ROCK2: variants seen among roughly 807,000 people sequenced by gnomAD.
ROCK2 encodes Rho associated coiled-coil containing protein kinase 2.
Under a neutral mutation model 195.1 loss-of-function variants are expected in ROCK2, and 61 were observed. The ratio of observed to expected loss-of-function variants is 0.31; its 90% confidence interval spans 0.25 to 0.39. The LOEUF (loss-of-function observed/expected upper bound fraction) is 0.39, where lower values mean the gene tolerates loss of function less well. ROCK2 is among the 10% of genes least tolerant of loss of function. The pLI is 1.00. For synonymous variants in ROCK2, 504 were observed against 545.5 expected, an observed-to-expected ratio of 0.92 and a Z score of 1.06; for missense variants, 1,109 against 1,637.4, an observed-to-expected ratio of 0.68 and a Z score of 5.57.
In ROCK2 at chr2:11,319,097, G is replaced by A. The variant is rs548301512; in HGVS notation, c.141+24899C>T. 2.2e-3 allele frequency among the ~76,000 whole-genome samples: 341 copies of A among 152,134 alleles called. 3 individuals carry two copies. Among genetic ancestry groups the A allele is most frequent in the African/African-American group, 8.0e-3 (332 of 41,484 alleles). ...GACTTGGCAATGTGGGCTCTTTTTT[G>A]GTTCCATATGAACTTTAAAGTAGTT... is the stretch of plus-strand genomic sequence containing the variant. On this transcript the variant is annotated intron_variant, in intron 1 of 32. Coordinates refer to ENST00000315872, the MANE Select transcript of ROCK2 (RefSeq NM_004850.5).
At chr2:11,194,802 A>G (rs1462998353) in intron 28 of ROCK2, among the ~76,000 whole-genome samples, 153 bp downstream of exon 28, 4 of 152,132 alleles carry the variant, frequency 2.6e-5, no homozygotes, top group Non-Finnish European at 4.4e-5. Flanking sequence ...TTACAAAGAT[A>G]AATAAAATCA....
intron 17 of ROCK2, among the ~76,000 whole-genome samples, chr2:11,212,192 T>C (rs749983320): frequency 1.3e-5 from 2 of 152,230 alleles, no homozygotes; most frequent in Non-Finnish European, 2.9e-5. Context: ...GCTGAGATTA[T>C]AGGTGTGGGC....
chr2:11,343,170 T>C (rs1276690984), intron 1 of ROCK2, among the ~76,000 whole-genome samples: 1 of 152,190 alleles, frequency 6.6e-6, no homozygotes, highest in Non-Finnish European at 1.5e-5. Flanking sequence ...CATAAATGCA[T>C]CTACACTGCA....
chr2:11,209,201 T>G (rs1664165771), intron 18 of ROCK2, among the ~76,000 whole-genome samples: 1 of 152,180 alleles, frequency 6.6e-6, no homozygotes, highest in South Asian at 2.1e-4. Flanking sequence ...AAATATGTTT[T>G]AGGGAGGTGG....
intron 6 of ROCK2, among the ~76,000 whole-genome samples, chr2:11,225,057 C>T (rs1163962554): frequency 2.6e-5 from 4 of 152,254 alleles, no homozygotes; most frequent in Middle Eastern, 3.4e-3. Context: ...AAGAGTTAAA[C>T]CAGCTCTATT....
At chr2:11,186,002 T>A (rs1438344494) in intron 32 of ROCK2, among the ~76,000 whole-genome samples, 1 of 152,190 alleles carries the variant, frequency 6.6e-6, no homozygotes, top group East Asian at 1.9e-4. Flanking sequence ...AATATTTGCA[T>A]TTTCAAATAA....
chr2:11,183,924 TATAA>T (rs1663098403), intron 32 of ROCK2, among the ~76,000 whole-genome samples: 1 of 152,102 alleles, frequency 6.6e-6, no homozygotes, highest in African/African-American at 2.4e-5. Flanking sequence ...GAAATCTGAT[TATAA>T]ATAGATACCA....
intron 17 of ROCK2, among the ~76,000 whole-genome samples, chr2:11,213,433 C>T (rs1365047349): frequency 1.3e-5 from 2 of 151,998 alleles, no homozygotes; most frequent in Non-Finnish European, 2.9e-5. Context: ...ATAACAACCA[C>T]ATTGTGATCT....
chr2:11,199,462 T>G (rs976630843), intron 23 of ROCK2, among the ~76,000 whole-genome samples: 5 of 151,286 alleles, frequency 3.3e-5, no homozygotes, highest in African/African-American at 1.2e-4. Flanking sequence ...GCTGGGACTA[T>G]AGGCATGAAC....
intron 4 of ROCK2, among the ~76,000 whole-genome samples, chr2:11,245,787 C>T (rs2148121406): frequency 6.6e-6 from 1 of 152,216 alleles, no homozygotes; most frequent in Admixed American, 6.5e-5. Flanking sequence ...GTCAAAGGTA[C>T]CACAATTTGA....
At chr2:11,341,263 C>T (rs961532534) in intron 1 of ROCK2, among the ~76,000 whole-genome samples, 1 of 152,168 alleles carries the variant, frequency 6.6e-6, no homozygotes, top group Non-Finnish European at 1.5e-5. Context: ...TCCAGCTCTA[C>T]CTATGCCTAA....
At chr2:11,223,799 G>T (rs1292022478) in intron 7 of ROCK2, among the ~76,000 whole-genome samples, 1 of 152,044 alleles carries the variant, frequency 6.6e-6, no homozygotes, top group Non-Finnish European at 1.5e-5. Context: ...CTTATCTTTT[G>T]GGGGCAGGTT....
chr2:11,234,870 G>A (rs935132056), intron 5 of ROCK2, among the ~76,000 whole-genome samples: 1 of 152,014 alleles, frequency 6.6e-6, no homozygotes. Context: ...AAGTTAAGAG[G>A]TAGAGAGAAA....
Position 11,235,483 on chromosome 2 carries a change from T to G in ROCK2, c.723+219A>C, listed in dbSNP as rs886807826. On this transcript the variant is annotated intron_variant, in intron 5 of 32. Coordinates refer to ENST00000315872, the MANE Select transcript of ROCK2 (RefSeq NM_004850.5). This position sits in a 1 kb window ranked among gnomAD's most constrained non-coding sequence, Gnocchi z 4.2. ...GGAAGATAACTAAGCTAAGTTTTTA[T>G]TTCTCTTGATAAGTACTCTACAGCT... is the stretch of plus-strand genomic sequence containing the variant. Among the ~76,000 whole-genome samples the G allele has an allele frequency of 6.6e-6, 1 of 152,226 alleles. No homozygotes were observed. The highest frequency in any genetic ancestry group is 2.4e-5 in the African/African-American group (1 of 41,470).
chr2:11,313,481 G>A (rs1314344169), intron 1 of ROCK2, among the ~76,000 whole-genome samples: 1 of 151,870 alleles, frequency 6.6e-6, no homozygotes, highest in Non-Finnish European at 1.5e-5. Context: ...CATTATTTTT[G>A]TCGTTTGCAT....
chr2:11,197,059 A>T lies in ROCK2; in HGVS notation c.3448+121T>A, dbSNP rs559575190. Reference sequence around the variant, plus strand: ...TGTTACTTGAATCCTTACTCCAAGGAGTAGGTTTTCCCTTAAAGAAATTAC... The same window carrying T: ...TGTTACTTGAATCCTTACTCCAAGGTGTAGGTTTTCCCTTAAAGAAATTAC... On this transcript the variant is annotated intron_variant, in intron 27 of 32. Coordinates refer to ENST00000315872, the MANE Select transcript of ROCK2 (RefSeq NM_004850.5). This position sits in a 1 kb window ranked among gnomAD's most constrained non-coding sequence, Gnocchi z 4.9. 26 of 539,942 alleles carry T rather than the reference A, an allele frequency of 4.8e-5. No individual in the cohort carries two copies. The highest frequency in any genetic ancestry group is 4.1e-4 in the African/African-American group (21 of 50,732). 33.4% of individuals were successfully genotyped at this position (539,942 alleles called of 1,614,324 possible). A position where few individuals can be genotyped will look rare whatever the true frequency, so the allele number is the denominator to read the frequency against.
Position 11,339,769 on chromosome 2 carries a change from T to C in ROCK2, c.141+4227A>G, listed in dbSNP as rs528624963. 2.4e-4 allele frequency among the ~76,000 whole-genome samples: 37 copies of C among 152,102 alleles called. No homozygotes were observed. In the South Asian group the frequency reaches 7.5e-3, roughly 31 times the overall value. On this transcript the variant is annotated intron_variant, in intron 1 of 32. Transcript: ENST00000315872. The stretch of plus-strand genomic sequence containing the variant: ...TATTGTTTAGAGATACACACAAATG[T>C]AGTAATCTATGAAATGAAGCAAAGG...
intron 1 of ROCK2, among the ~76,000 whole-genome samples, chr2:11,312,768 A>T (rs1009986016): frequency 2.0e-5 from 3 of 152,158 alleles, no homozygotes; most frequent in Non-Finnish European, 2.9e-5. Context: ...AAACTGTGGT[A>T]TATGGAATAT....
chr2:11,205,597 A>ATT (rs11376737), intron 20 of ROCK2, among the ~76,000 whole-genome samples: 194 of 142,354 alleles, frequency 1.4e-3, no homozygotes, highest in Middle Eastern at 7.4e-3. Flanking sequence ...CATTGCATGT[A>ATT]TTTTTTTTTT....
Sources: gnomAD v4.1 joint callset for allele counts (sites outside exome capture counted in the v4.1 genomes callset) on GRCh38, gnomAD v4.1.1 for gene constraint, Gnocchi (gnomAD v3.1) non-coding constraint, MANE v1.5 for transcripts, NCBI Gene and HGNC (gene_info 2026-07-23, HGNC 2026-07-21) for gene names.